FAT3: variants seen among roughly 807,000 people sequenced by gnomAD.
FAT3 encodes the protein protocadherin Fat 3.
FAT3 carries 95 observed loss-of-function variants against 310.2 expected under a neutral mutation model. The observed-to-expected ratio is 0.31, with a 90% CI of 0.26 to 0.36. The LOEUF (loss-of-function observed/expected upper bound fraction) is 0.36. FAT3 is among the 10% of genes least tolerant of loss of function. The pLI is 1.00. For synonymous variants in FAT3, 2,314 were observed against 2,192.9 expected (o/e 1.06, Z -1.54); for missense variants, 5,408 against 5,715.6 (o/e 0.95, Z 1.74).
At chr11:92,783,841 TGAG>T (rs1367920369) in intron 7 of FAT3, among the ~76,000 whole-genome samples, 4 of 152,174 alleles carry the variant, frequency 2.6e-5, no homozygotes, top group Non-Finnish European at 5.9e-5. Context: ...TAACAACTTA[TGAG>T]GAGATCAATT....
chr11:92,628,905 C>A (rs1458317304), intron 3 of FAT3, among the ~76,000 whole-genome samples: 2 of 152,208 alleles, frequency 1.3e-5, no homozygotes, highest in African/African-American at 4.8e-5. Context: ...TGCACACACA[C>A]ACACTCACAC....
intron 3 of FAT3, among the ~76,000 whole-genome samples, chr11:92,655,418 G>T (rs986988089): frequency 3.9e-5 from 6 of 152,134 alleles, no homozygotes; most frequent in Admixed American, 3.9e-4. Flanking sequence ...ATCACTTTGG[G>T]ACCATGGACA....
At chr11:92,570,368 G>T (rs181191828) in intron 3 of FAT3, among the ~76,000 whole-genome samples, 4 of 152,274 alleles carry the variant, frequency 2.6e-5, no homozygotes, top group East Asian at 1.9e-4. Context: ...TCCAATGAAG[G>T]ATTGTGTGTG....
At chr11:92,748,558 TA>T (rs1269031241) in intron 4 of FAT3, among the ~76,000 whole-genome samples, 1 of 152,178 alleles carries the variant, frequency 6.6e-6, no homozygotes, top group Non-Finnish European at 1.5e-5. Context: ...AACTTTCCCT[TA>T]TAAACCATTC....
At chr11:92,453,076 A>T (rs1355978473) in intron 2 of FAT3, among the ~76,000 whole-genome samples, 2 of 152,054 alleles carry the variant, frequency 1.3e-5, no homozygotes, top group African/African-American at 4.8e-5. Flanking sequence ...ACCTAGCCTG[A>T]TATCCCTGTT....
intron 2 of FAT3, among the ~76,000 whole-genome samples, chr11:92,460,944 A>T (rs1329120593): frequency 6.6e-6 from 1 of 152,034 alleles, no homozygotes; most frequent in African/African-American, 2.4e-5. Context: ...CAAATAGAAG[A>T]TCCCCTTTTT....
chr11:92,545,493 A>G (rs1475912280), intron 3 of FAT3, among the ~76,000 whole-genome samples: 1 of 152,230 alleles, frequency 6.6e-6, no homozygotes, highest in Non-Finnish European at 1.5e-5. Flanking sequence ...AAATGAATGA[A>G]TAGCTAAATT....
intron 2 of FAT3, among the ~76,000 whole-genome samples, chr11:92,408,587 A>T (rs1473528613): frequency 6.6e-6 from 1 of 152,220 alleles, no homozygotes; most frequent in African/African-American, 2.4e-5. Context: ...ACCAAATGCC[A>T]GCCCTCACTG....
At chr11:92,311,049 TACACACACATATATGTGTACATATAC>T (rs1565217700) in intron 1 of FAT3, among the ~76,000 whole-genome samples, 3 of 151,752 alleles carry the variant, frequency 2.0e-5, no homozygotes, top group African/African-American at 2.4e-5. Context: ...CACATATATA[TACACACACATATATGTGTACATATAC>T]ACACACACAT....
chr11:92,380,299 C>T (rs1191574305), intron 2 of FAT3, among the ~76,000 whole-genome samples: 6 of 152,044 alleles, frequency 3.9e-5, no homozygotes, highest in South Asian at 2.1e-4. Flanking sequence ...CTTTGGACCT[C>T]GTATGTGAAA....
intron 7 of FAT3, among the ~76,000 whole-genome samples, chr11:92,786,088 A>G (rs1186638745): frequency 3.3e-5 from 5 of 152,178 alleles, no homozygotes; most frequent in Non-Finnish European, 1.5e-5. Context: ...ATGGTCTTTT[A>G]AAGAGTGGCA....
At chr11:92,235,344 A>G (rs1299327183) in intron 1 of FAT3, among the ~76,000 whole-genome samples, 1 of 152,032 alleles carries the variant, frequency 6.6e-6, no homozygotes, top group Non-Finnish European at 1.5e-5. Context: ...TATTGCTTAC[A>G]CCTGACCTCT....
At chr11:92,849,432 A>G (rs1417362974) in intron 19 of FAT3, among the ~76,000 whole-genome samples, 2 of 152,178 alleles carry the variant, frequency 1.3e-5, no homozygotes, top group Non-Finnish European at 2.9e-5. Flanking sequence ...TCTCCTTGTC[A>G]CATCATCTAG....
Position 92,761,839 on chromosome 11 carries a change from C to G in FAT3, c.3670-17C>G, listed in dbSNP as rs1215604752. 3.1e-6 allele frequency: 5 copies of G among 1,608,448 alleles called. No homozygotes were observed. Among genetic ancestry groups the G allele is most frequent in the Non-Finnish European group, 4.2e-6 (5 of 1,176,792 alleles). ...ATAATTTTCTCCTTTCTGATCACAT[C>G]ATACTCTCTTTTTCAGGTGACTGTG... On this transcript the variant is annotated splice_polypyrimidine_tract_variant and intron_variant, in intron 4 of 27. Coordinates refer to ENST00000525166, the MANE Select transcript of FAT3 (RefSeq NM_001367949.2).
intron 3 of FAT3, among the ~76,000 whole-genome samples, chr11:92,541,245 C>G (rs1343693048): frequency 2.6e-5 from 4 of 152,118 alleles, no homozygotes; most frequent in Non-Finnish European, 5.9e-5. Context: ...TTATACTCAA[C>G]AGATGCTCTA....
intron 2 of FAT3, among the ~76,000 whole-genome samples, chr11:92,370,998 AC>A (rs1262007563): frequency 6.6e-6 from 1 of 152,210 alleles, no homozygotes; most frequent in African/African-American, 2.4e-5. Context: ...TTCAGTCCCT[AC>A]TTACTTTCAC....
intron 13 of FAT3, among the ~76,000 whole-genome samples, chr11:92,827,376 C>T (rs1011990225): frequency 6.6e-6 from 1 of 152,162 alleles, no homozygotes; most frequent in African/African-American, 2.4e-5. Flanking sequence ...GAAACCAACT[C>T]CCTTTATTTA....
chr11:92,587,681 A>G, intron 3 of FAT3, among the ~76,000 whole-genome samples: 1 of 151,962 alleles, frequency 6.6e-6, no homozygotes, highest in East Asian at 1.9e-4. Flanking sequence ...AGAACATAGA[A>G]TTTCTCATCC....
chr11:92,783,500 A>C (rs539384638), intron 7 of FAT3, among the ~76,000 whole-genome samples: 26 of 74,042 alleles, frequency 3.5e-4, no homozygotes, highest in African/African-American at 1.0e-3. Context: ...TTCTTTTTTA[A>C]TTAAAAAAAA....
Sources: gnomAD v4.1 joint callset for allele counts (sites outside exome capture counted in the v4.1 genomes callset) on GRCh38, gnomAD v4.1.1 for gene constraint, MANE v1.5 for transcripts, NCBI Gene and HGNC (gene_info 2026-07-23, HGNC 2026-07-21) for gene names.